The following FSIP2 variants were observed in gnomAD, a reference collection of about 807,000 sequenced individuals.
FSIP2 encodes fibrous sheath interacting protein 2, also known as fibrous sheath-interacting protein 2.
FSIP2 carries 367 observed loss-of-function variants against 510.5 expected under a neutral mutation model. The ratio of observed to expected loss-of-function variants is 0.72; its 90% CI spans 0.66 to 0.78. The LOEUF (loss-of-function observed/expected upper bound fraction) is 0.78. Ranked by LOEUF, FSIP2 falls within the 30% of genes least tolerant of loss-of-function variation. FSIP2 has a pLI of 0.00. For synonymous variants in FSIP2, 2,601 were observed against 2,732.2 expected (o/e 0.95, Z 1.50); for missense variants, 7,594 against 7,901.7 (o/e 0.96, Z 1.48).
At chr2:185,737,947 C>T (rs1320412247), upstream of FSIP2, among the ~76,000 whole-genome samples, 1 of 152,008 alleles carries the variant, frequency 6.6e-6, no homozygotes, top group Non-Finnish European at 1.5e-5. Context: ...ATTGATAAGG[C>T]TACTAAAATA....
intron 20 of FSIP2, among the ~76,000 whole-genome samples, chr2:185,827,164 T>C (rs1485760596): frequency 6.6e-6 from 1 of 151,868 alleles, no homozygotes; most frequent in East Asian, 1.9e-4. Context: ...ATTTAGGCGC[T>C]TTTTAGGAAT....
rs1020607609 is a variant in FSIP2, at chr2:185,791,573, T to C, written c.4437T>C (p.Asn1479=). Residue 1479 remains asparagine (N), a synonymous_variant, in exon 16 of 23, where the codon AAT becomes AAC. Coordinates refer to ENST00000424728, the MANE Select transcript of FSIP2 (RefSeq NM_173651.4). The stretch of plus-strand genomic sequence containing the variant: ...AAATGGCTGCTGCATTGCAGTCTAA[T>C]ATTCAGTTAATTTCTAAAGCAATTT... ...NQKMAAALQS[N]IQLISKAILD... 6.5e-7 allele frequency: 1 copy of C among 1,534,294 alleles called. No individual in the cohort carries two copies. The highest frequency in any genetic ancestry group is 8.7e-7 in the Non-Finnish European group (1 of 1,145,588).
At chr2:185,827,963 C>A (rs929743511) in intron 20 of FSIP2, among the ~76,000 whole-genome samples, 193 bp from the exon 21 acceptor site, 1 of 151,784 alleles carries the variant, frequency 6.6e-6, no homozygotes, top group Non-Finnish European at 1.5e-5. Context: ...GCTAAGACGT[C>A]CCAATATTCT....
Position 185,753,793 on chromosome 2 carries a change from A to C in FSIP2, c.942A>C (p.Glu314Asp), listed in dbSNP as rs1481074884. The change falls in exon 8 of 23, where the codon GAA becomes GAC. Residue 314 changes from glutamate (E) to aspartate (D), a missense_variant. By Grantham distance (45) the Glu-to-Asp change is conservative. Coordinates refer to ENST00000424728, the MANE Select transcript of FSIP2 (RefSeq NM_173651.4). ...TGCAAGATACTGGCTTTAACGGAGA[A>C]GATATAGGAAAAAATACATTTAAAT... Reference protein sequence around the residue: ...QKMQDTGFNGEDIGKNTFKYR... With the variant: ...QKMQDTGFNGDDIGKNTFKYR... 1 of 1,481,340 alleles carries C rather than the reference A, an allele frequency of 6.8e-7. No homozygotes were observed. Among genetic ancestry groups the C allele is most frequent in the East Asian group, 2.5e-5 (1 of 39,974 alleles). The allele number at this position is 1,481,340 out of a possible 1,614,324, so 91.8% of individuals were successfully genotyped here.
intron 17 of FSIP2, among the ~76,000 whole-genome samples, chr2:185,812,134 GGA>G (rs1340563751): frequency 6.6e-6 from 1 of 152,114 alleles, no homozygotes; most frequent in African/African-American, 2.4e-5. Context: ...CCCTCAGCGT[GGA>G]AAAGCCTCAG....
intron 20 of FSIP2, among the ~76,000 whole-genome samples, chr2:185,826,859 G>A (rs1288286213): frequency 1.3e-5 from 2 of 151,738 alleles, no homozygotes; most frequent in Non-Finnish European, 2.9e-5. Context: ...TGTCACGTAA[G>A]CAATTGGATA....
chr2:185,785,358 T>G (rs1456197122), intron 14 of FSIP2, among the ~76,000 whole-genome samples: 2 of 152,064 alleles, frequency 1.3e-5, no homozygotes, highest in African/African-American at 4.8e-5. Flanking sequence ...TGAAGTTTCT[T>G]TTCTTTTCTG....
At chr2:185,754,629 C>T (rs892690332) in intron 8 of FSIP2, among the ~76,000 whole-genome samples, 2 of 151,488 alleles carry the variant, frequency 1.3e-5, no homozygotes, top group African/African-American at 4.8e-5. Context: ...ACCCTTAAAG[C>T]TATTACCTAT....
At chr2:185,832,265 C>T (rs1263610133) in intron 22 of FSIP2, among the ~76,000 whole-genome samples, 1 of 151,898 alleles carries the variant, frequency 6.6e-6, no homozygotes, top group African/African-American at 2.4e-5. Flanking sequence ...ATTGTCTACA[C>T]ACACAAATAG....
In FSIP2 at chr2:185,802,676, T is replaced by C. The variant is rs1320325327; in HGVS notation, c.13370T>C (p.Val4457Ala). 2.0e-6 allele frequency: 3 copies of C among 1,533,206 alleles called. No individual in the cohort carries two copies. Among genetic ancestry groups the C allele is most frequent in the Non-Finnish European group, 2.6e-6 (3 of 1,145,126 alleles). The allele number at this position is 1,533,206 out of a possible 1,614,324, so 95.0% of individuals were successfully genotyped here. ...ISKSTEPSQS[V>A]PLYNTLLPYT... ...AAATCTACTGAGCCAAGCCAGAGTG[T>C]ACCTCTATATAACACCTTGCTGCCA... is the stretch of plus-strand genomic sequence containing the variant. The change falls in exon 17 of 23, where the codon GTA (valine) becomes GCA (alanine). Residue 4457 changes from valine to alanine, a missense_variant. By Grantham distance (64) the Val-to-Ala change is moderately conservative. Coordinates refer to ENST00000424728, the MANE Select transcript of FSIP2 (RefSeq NM_173651.4).
Position 185,791,722 on chromosome 2 carries a change from A to T in FSIP2, c.4586A>T (p.Lys1529Ile). ...DNPSFASIIE[K>I]MAKSTKIISS... The stretch of plus-strand genomic sequence containing the variant: ...CCATCATTTGCTTCAATTATTGAGA[A>T]AATGGCCAAATCCACCAAAATAATC... The change falls in exon 16 of 23, where the codon AAA becomes ATA. Residue 1529 changes from lysine to isoleucine, a missense_variant. By Grantham distance (102) the Lys-to-Ile change is moderately radical. Transcript: ENST00000424728. 1 of 1,534,580 alleles carries T rather than the reference A, an allele frequency of 6.5e-7. No individual in the cohort carries two copies. The highest frequency in any genetic ancestry group is 8.7e-7 in the Non-Finnish European group (1 of 1,145,662).
chr2:185,763,753 A>C (rs1384432745), intron 12 of FSIP2, among the ~76,000 whole-genome samples: 2 of 151,586 alleles, frequency 1.3e-5, no homozygotes, highest in Non-Finnish European at 3.0e-5. Flanking sequence ...ATGTGGTTTG[A>C]AATAGATTTC....
At chr2:185,825,862 TAAAC>T in intron 20 of FSIP2, among the ~76,000 whole-genome samples, 1 of 151,848 alleles carries the variant, frequency 6.6e-6, no homozygotes, top group South Asian at 2.1e-4. Context: ...GGTAAGGACT[TAAAC>T]AAGATAATTC....
Position 185,795,648 on chromosome 2 carries a change from A to C in FSIP2, c.8512A>C (p.Lys2838Gln). ...EHIFPREGIFKKLFDKWQTES... is the reference protein window; with the variant it reads ...EHIFPREGIFQKLFDKWQTES... The stretch of plus-strand genomic sequence containing the variant: ...CATTTTTCCTAGAGAAGGTATATTT[A>C]AAAAATTGTTTGACAAGTGGCAAAC... Residue 2838 changes from lysine (K) to glutamine (Q), a missense_variant, in exon 16 of 23, where the codon AAA becomes CAA. Lys to Gln is a moderately conservative substitution (Grantham distance 53, BLOSUM62 1). Transcript: ENST00000424728. 6.5e-7 allele frequency: 1 copy of C among 1,534,390 alleles called. No individual in the cohort carries two copies. Among genetic ancestry groups the C allele is most frequent in the Non-Finnish European group, 8.7e-7 (1 of 1,145,738 alleles).
At chr2:185,740,405 A>C (rs1338205458) in intron 2 of FSIP2, 1 of 152,200 alleles carries the variant, frequency 6.6e-6, no homozygotes, top group Non-Finnish European at 1.5e-5. Context: ...CCTTTGACTA[A>C]GTAGTCAATG....
rs1456194652 is a variant in FSIP2, at chr2:185,804,879, C to T, written c.15573C>T (p.Val5191=). The T allele has an allele frequency of 2.1e-5, 32 of 1,522,336 alleles. No homozygotes were observed. In the Admixed American group the frequency reaches 2.9e-4, roughly 14 times the overall value. 94.3% of individuals were successfully genotyped at this position (1,522,336 alleles called of 1,614,324 possible). ...SMQLEPIENL[V]DSICNNILKT... Reference sequence around the variant, plus strand: ...AGTTAGAACCTATTGAAAATTTGGTCGACTCCATATGTAATAATATTTTGA... The same window carrying T: ...AGTTAGAACCTATTGAAAATTTGGTTGACTCCATATGTAATAATATTTTGA... Residue 5191 remains valine (V), a synonymous_variant, in exon 17 of 23, where the codon GTC becomes GTT. Transcript: ENST00000424728.
chr2:185,803,448 GC>G lies in FSIP2; in HGVS notation c.14145del (p.Asn4716IlefsTer5), dbSNP rs1559033495. 6.5e-7 allele frequency: 1 copy of G among 1,529,478 alleles called. No homozygotes were observed. The highest frequency in any genetic ancestry group is 2.0e-5 in the Admixed American group (1 of 50,118). The allele number at this position is 1,529,478 out of a possible 1,614,324, so 94.7% of individuals were successfully genotyped here. A position where few individuals can be genotyped will look rare whatever the true frequency, so the allele number is the denominator to read the frequency against. ...TGCAAGAATATGAAATGGAAGTCGT[GC>G]CCAATAAAGATTTTCTAAATGACAC... ...VLQEYEMEVV[P>X]NKDFLNDTKT... On this transcript the variant is annotated frameshift_variant, in exon 17 of 23. Transcript: ENST00000424728. LOFTEE classifies it high-confidence loss of function.
At position 185,789,566 on chromosome 2, in the gene FSIP2, T is replaced by G; in HGVS notation, c.2430T>G (p.Pro810=). 1 of 1,534,838 alleles carries G rather than the reference T, an allele frequency of 6.5e-7. No individual in the cohort carries two copies. The highest frequency in any genetic ancestry group is 8.7e-7 in the Non-Finnish European group (1 of 1,145,900). The part of the protein sequence containing the change: ...SNGKPLKNSM[P]HTLDPMCDIA... ...GAAAACCTTTGAAAAATTCAATGCCTCATACTTTGGACCCAATGTGTGATA... is the reference window on the plus strand; with the variant it reads ...GAAAACCTTTGAAAAATTCAATGCCGCATACTTTGGACCCAATGTGTGATA... Residue 810 remains proline (P), a synonymous_variant, in exon 16 of 23, where the codon CCT becomes CCG. Coordinates refer to ENST00000424728, the MANE Select transcript of FSIP2 (RefSeq NM_173651.4).
chr2:185,737,774 T>C (rs1691814219), upstream of FSIP2, among the ~76,000 whole-genome samples: 2 of 152,042 alleles, frequency 1.3e-5, no homozygotes, highest in African/African-American at 4.8e-5. Context: ...AAGCTGGCAA[T>C]AGACTATATC....
Sources: gnomAD v4.1 joint callset for allele counts (sites outside exome capture counted in the v4.1 genomes callset) on GRCh38, gnomAD v4.1.1 for gene constraint, MANE v1.5 for transcripts, NCBI Gene and HGNC (gene_info 2026-07-23, HGNC 2026-07-21) for gene names.